DOCK3: variants seen among roughly 807,000 people sequenced by gnomAD.
The protein encoded by DOCK3 is dedicator of cytokinesis 3, also known as dedicator of cytokinesis protein 3.
DOCK3 carries 60 observed loss-of-function variants against 265.6 expected under a neutral mutation model. The observed-to-expected ratio is 0.23, with a 90% CI of 0.18 to 0.28. DOCK3 has a LOEUF of 0.28. DOCK3 is among the 10% of genes least tolerant of loss of function. DOCK3 has a pLI of 1.00. For synonymous variants in DOCK3, 881 were observed against 938.0 expected, an observed-to-expected ratio of 0.94 and a Z score of 1.11; for missense variants, 1,981 against 2,594.3, an observed-to-expected ratio of 0.76 and a Z score of 5.14.
chr3:51,073,363 G>A (rs965424317), intron 6 of DOCK3, among the ~76,000 whole-genome samples: 3 of 152,172 alleles, frequency 2.0e-5, no homozygotes, highest in African/African-American at 7.2e-5. Context: ...AGGATGTACT[G>A]CACCTCGCTC....
intron 4 of DOCK3, among the ~76,000 whole-genome samples, chr3:50,905,540 C>T (rs1012295722): frequency 2.6e-5 from 4 of 152,020 alleles, no homozygotes; most frequent in Non-Finnish European, 5.9e-5. Context: ...AATGGGAGTT[C>T]ACTCATGATT....
intron 5 of DOCK3, among the ~76,000 whole-genome samples, chr3:50,936,780 C>T (rs2051386263): frequency 6.6e-6 from 1 of 152,022 alleles, no homozygotes; most frequent in Admixed American, 6.5e-5. Context: ...TTGTTGACAG[C>T]AGATTGGTTC....
intron 35 of DOCK3, among the ~76,000 whole-genome samples, chr3:51,334,053 C>G (rs540311938): frequency 6.6e-6 from 1 of 151,968 alleles, no homozygotes; most frequent in South Asian, 2.1e-4. Context: ...ACTGTGTTGC[C>G]CAGGCTGGTC....
intron 2 of DOCK3, among the ~76,000 whole-genome samples, chr3:50,831,185 T>TTTTTTTTA (rs1421844322): frequency 1.2e-3 from 87 of 72,034 alleles, no homozygotes; most frequent in African/African-American, 4.7e-3. Context: ...CTGCAACCTG[T>TTTTTTTTA]TTTATTTATT....
chr3:50,995,556 G>T (rs1037967885), intron 5 of DOCK3, among the ~76,000 whole-genome samples: 1 of 152,192 alleles, frequency 6.6e-6, no homozygotes, highest in African/African-American at 2.4e-5. Flanking sequence ...AGTGCTTACA[G>T]ACTTTGCAGA....
At chr3:50,888,150 A>G (rs1216229532) in intron 3 of DOCK3, among the ~76,000 whole-genome samples, 1 of 152,164 alleles carries the variant, frequency 6.6e-6, no homozygotes, top group Non-Finnish European at 1.5e-5. Context: ...CTGATAAGCA[A>G]CTTCAGCAAA....
chr3:51,009,383 A>T (rs2078841858), intron 5 of DOCK3, among the ~76,000 whole-genome samples: 1 of 152,166 alleles, frequency 6.6e-6, no homozygotes, highest in Non-Finnish European at 1.5e-5. Context: ...CATTTCTTCT[A>T]GATTTTCTAG....
rs1434944335 is a variant in DOCK3, at chr3:50,772,523, C to CA, written c.38-6151dup. On this transcript the variant is annotated intron_variant, in intron 1 of 52. Transcript: ENST00000266037. ...ATTCTTCATGATGCACTTATTTTCA[C>CA]ATTGTATGCCTGTATCAAAACATCC... is the stretch of plus-strand genomic sequence containing the variant. Among the ~76,000 whole-genome samples the CA allele has an allele frequency of 2.0e-5, 3 of 152,276 alleles. No individual in the cohort carries two copies. In the East Asian group the frequency reaches 5.8e-4, roughly 29 times the overall value.
At chr3:51,320,683 C>G (rs2083659850) in intron 32 of DOCK3, among the ~76,000 whole-genome samples, 1 of 152,182 alleles carries the variant, frequency 6.6e-6, no homozygotes. Context: ...GGCAGTTTTA[C>G]CCTCACAGTG....
At chr3:51,308,475 C>T (rs2082834201) in intron 27 of DOCK3, among the ~76,000 whole-genome samples, 1 of 151,184 alleles carries the variant, frequency 6.6e-6, no homozygotes, top group African/African-American at 2.4e-5. Flanking sequence ...CTTGCACCGC[C>T]CTTAATCCAT....
At chr3:50,949,886 A>T (rs1197474783) in intron 5 of DOCK3, among the ~76,000 whole-genome samples, 1 of 151,790 alleles carries the variant, frequency 6.6e-6, no homozygotes, top group African/African-American at 2.4e-5. Context: ...GGCTTTGCCG[A>T]TCCTCTATTA....
chr3:50,736,382 G>A (rs1209836570), intron 1 of DOCK3, among the ~76,000 whole-genome samples: 1 of 152,140 alleles, frequency 6.6e-6, no homozygotes, highest in Non-Finnish European at 1.5e-5. Context: ...TGTCTTTATA[G>A]CAGCATGATT....
At chr3:51,318,621 T>C (rs1560425912) in intron 32 of DOCK3, among the ~76,000 whole-genome samples, 1 of 152,102 alleles carries the variant, frequency 6.6e-6, no homozygotes, top group Non-Finnish European at 1.5e-5. Context: ...TATTGTCAAG[T>C]ATGCAGCATT....
chr3:50,952,668 A>G (rs1427424588), intron 5 of DOCK3, among the ~76,000 whole-genome samples: 2 of 152,162 alleles, frequency 1.3e-5, no homozygotes, highest in African/African-American at 4.8e-5. Flanking sequence ...ATGAGAGGCC[A>G]TAATTATAAG....
chr3:51,243,801 ATCTTT>A (rs377223385), intron 21 of DOCK3, among the ~76,000 whole-genome samples: 16 of 152,222 alleles, frequency 1.1e-4, no homozygotes, highest in African/African-American at 3.4e-4. Flanking sequence ...GCTTTCACCT[ATCTTT>A]TCTTTTAAGT....
chr3:50,974,275 CTAACGTTTAAGTCTT>C (rs1156689920), intron 5 of DOCK3, among the ~76,000 whole-genome samples: 1 of 151,500 alleles, frequency 6.6e-6, no homozygotes. Flanking sequence ...GGTTTTAGGT[CTAACGTTTAAGTCTT>C]TAATCCATCT....
chr3:51,225,504 G>A, intron 14 of DOCK3, 145 bp from the exon 15 acceptor site: 1 of 1,291,368 alleles, frequency 7.7e-7, no homozygotes, highest in Middle Eastern at 2.7e-4. Flanking sequence ...GATACTGGTA[G>A]AATGTCCATC....
chr3:51,220,673 A>ATC (rs2090039302), intron 14 of DOCK3, among the ~76,000 whole-genome samples: 1 of 50,568 alleles, frequency 2.0e-5, no homozygotes, highest in Non-Finnish European at 4.1e-5. Flanking sequence ...AAAAAAAAAT[A>ATC]TATATATATA....
intron 5 of DOCK3, among the ~76,000 whole-genome samples, chr3:50,934,671 G>A (rs1208194597): frequency 6.6e-6 from 1 of 152,032 alleles, no homozygotes; most frequent in Non-Finnish European, 1.5e-5. Context: ...AAAAAATTTA[G>A]TTGGGTGTGG....
Sources: allele counts gnomAD v4.1 joint callset (sites outside exome capture counted in the v4.1 genomes callset), GRCh38; gene constraint gnomAD v4.1.1; transcripts MANE v1.5; gene names NCBI Gene and HGNC (gene_info 2026-07-23, HGNC 2026-07-21).